CLVS1: variants seen among roughly 807,000 people sequenced by gnomAD.
The protein encoded by CLVS1 is clavesin-1.
In CLVS1, 10 loss-of-function variants were observed where a neutral mutation model predicts 33.1. That is an observed-to-expected ratio of 0.30 (90% CI 0.19 to 0.51). The LOEUF is 0.51. Ranked by LOEUF, CLVS1 falls within the 20% of genes least tolerant of loss-of-function variation. The probability of loss-of-function intolerance (pLI) is 0.97; values close to 1 mark genes in which losing one functional copy is unlikely to be tolerated. For synonymous variants in CLVS1, 163 were observed against 166.1 expected (o/e 0.98, Z 0.14); for missense variants, 343 against 433.4 (o/e 0.79, Z 1.85).
chr8:60,978,038 T>A, the CLVS1 span, among the ~76,000 whole-genome samples: 1 of 152,324 alleles, frequency 6.6e-6, no homozygotes, highest in South Asian at 2.1e-4. Flanking sequence ...AAACCAAGAA[T>A]TGTATATCTA....
rs187641181 is a variant in CLVS1, at chr8:61,254,216, C to T, written c.-151-45461C>T. Among the ~76,000 whole-genome samples the T allele has an allele frequency of 5.1e-3, 778 of 152,276 alleles. 33 individuals are homozygous for T. The East Asian group carries it at 0.11, about 21-fold the overall frequency. On this transcript the variant is annotated intron_variant, in intron 2 of 2. Transcript: ENST00000522621. ...ACCCTGTTTGCCTGGGTATCAGCAG[C>T]GGTGGCTGCAGAACAGCGGATATTG...
intron 2 of CLVS1, among the ~76,000 whole-genome samples, chr8:61,156,897 C>A (rs1195363072): frequency 6.6e-6 from 1 of 152,162 alleles, no homozygotes; most frequent in African/African-American, 2.4e-5. Context: ...AGTTTCCAAG[C>A]AATTTTCTAG....
rs374276923 is a variant in CLVS1 at position 61,243,233 on chromosome 8, C to T, written c.-151-56444C>T. ...CTTCTTTTTTTAAAAAAGTATTGTA[C>T]ATATTTAACATGATGTTATAAGATA... On this transcript the variant is annotated intron_variant, in intron 2 of 2. Coordinates refer to the CLVS1 transcript ENST00000522621. 1.2e-4 allele frequency among the ~76,000 whole-genome samples: 18 copies of T among 152,186 alleles called. No individual in the cohort carries two copies. In the East Asian group the frequency reaches 3.3e-3, roughly 28 times the overall value.
chr8:61,284,674 C>T (rs1032954926), upstream of CLVS1, among the ~76,000 whole-genome samples: 2 of 152,116 alleles, frequency 1.3e-5, no homozygotes, highest in Non-Finnish European at 2.9e-5. Context: ...CAAATATTTC[C>T]ATAATTCCAA....
the CLVS1 span, among the ~76,000 whole-genome samples, chr8:60,993,177 C>T: frequency 1.7e-4 from 26 of 152,342 alleles, no homozygotes; most frequent in Middle Eastern, 3.4e-3. Flanking sequence ...ACGGTCACCA[C>T]TGATTGGTGG....
chr8:61,345,030 C>T (rs573150709), intron 2 of CLVS1, among the ~76,000 whole-genome samples: 1 of 152,306 alleles, frequency 6.6e-6, no homozygotes, highest in South Asian at 2.1e-4. Context: ...ATTTGCTCAT[C>T]TGCTGCTACA....
intron 2 of CLVS1, among the ~76,000 whole-genome samples, chr8:61,226,248 A>G (rs578112767): frequency 1.3e-5 from 2 of 152,352 alleles, no homozygotes; most frequent in South Asian, 4.1e-4. Context: ...TGGTCATATC[A>G]TTAGTTTTAT....
chr8:61,375,498 G>T (rs1813608395), intron 2 of CLVS1, among the ~76,000 whole-genome samples: 1 of 152,120 alleles, frequency 6.6e-6, no homozygotes, highest in South Asian at 2.1e-4. Flanking sequence ...TGATCTGCCT[G>T]CTTCGGCCTC....
chr8:60,968,430 C>T, the CLVS1 span, among the ~76,000 whole-genome samples: 2 of 151,292 alleles, frequency 1.3e-5, no homozygotes, highest in African/African-American at 4.9e-5. Context: ...GCAGGAGAAT[C>T]GCTTGAACCC....
At chr8:61,287,345 TGTTA>T (rs1809808241), upstream of CLVS1, among the ~76,000 whole-genome samples, 1 of 152,210 alleles carries the variant, frequency 6.6e-6, no homozygotes, top group Non-Finnish European at 1.5e-5. Context: ...TCTAAAAGGC[TGTTA>T]GTGTTTCTCT....
intron 2 of CLVS1, among the ~76,000 whole-genome samples, chr8:61,217,177 G>A (rs1205363671): frequency 6.6e-6 from 1 of 152,002 alleles, no homozygotes; most frequent in African/African-American, 2.4e-5. Context: ...ATAACTATAG[G>A]TGGATTTTGT....
intron 3 of CLVS1, 72 bp downstream of exon 3, chr8:61,376,851 G>A (rs191540540): frequency 1.9e-4 from 256 of 1,370,708 alleles, no homozygotes; most frequent in Non-Finnish European, 2.4e-4. Context: ...CGCAACCAAA[G>A]TAATATTTAT....
intron 2 of CLVS1, among the ~76,000 whole-genome samples, chr8:61,364,378 A>C (rs533125154): frequency 6.6e-6 from 1 of 152,342 alleles, no homozygotes; most frequent in East Asian, 1.9e-4. Flanking sequence ...TGAGGAAGAT[A>C]AACTGTTGAA....
At chr8:61,133,142 C>T (rs1806131382) in intron 2 of CLVS1, among the ~76,000 whole-genome samples, 1 of 152,070 alleles carries the variant, frequency 6.6e-6, no homozygotes, top group Non-Finnish European at 1.5e-5. Context: ...GTGGGGGACA[C>T]CAGGGGACAT....
chr8:61,240,326 G>A (rs1338897194), intron 2 of CLVS1, among the ~76,000 whole-genome samples: 4 of 152,126 alleles, frequency 2.6e-5, no homozygotes, highest in African/African-American at 9.7e-5. Flanking sequence ...TTCTTCAACA[G>A]GCGGAGTTCA....
intron 2 of CLVS1, among the ~76,000 whole-genome samples, chr8:61,142,980 T>C (rs1162337987): frequency 6.6e-6 from 1 of 152,222 alleles, no homozygotes; most frequent in Non-Finnish European, 1.5e-5. Flanking sequence ...ATTAATAGCA[T>C]TCTTGTTTGA....
At chr8:61,265,740 C>T (rs1809291205) in intron 2 of CLVS1, among the ~76,000 whole-genome samples, 3 of 152,200 alleles carry the variant, frequency 2.0e-5, no homozygotes. Flanking sequence ...TCTGTTACTA[C>T]AGAGCAGCCA....
At chr8:61,370,395 CT>C (rs1188394978) in intron 2 of CLVS1, 184 of 144,084 alleles carry the variant, frequency 1.3e-3, no homozygotes, top group Middle Eastern at 3.5e-3. Context: ...CTGTATCATT[CT>C]TTTTTTTTTT....
chr8:61,063,776 G>GT (rs1191236429), intron 1 of CLVS1, among the ~76,000 whole-genome samples: 1 of 152,132 alleles, frequency 6.6e-6, no homozygotes, highest in Non-Finnish European at 1.5e-5. Context: ...CTATAACTCA[G>GT]TGGCATTAGT....
Sources: allele counts gnomAD v4.1 joint callset (sites outside exome capture counted in the v4.1 genomes callset), GRCh38; gene constraint gnomAD v4.1.1; transcripts MANE v1.5; gene names NCBI Gene and HGNC (gene_info 2026-07-23, HGNC 2026-07-21).